Variants in FUT8 observed in about 807,000 individuals in gnomAD.
FUT8 encodes fucosyltransferase 8.
FUT8 carries 29 observed loss-of-function variants against 71.3 expected under a neutral mutation model. That is an observed-to-expected ratio of 0.41 (90% CI 0.30 to 0.55). The LOEUF (loss-of-function observed/expected upper bound fraction) is 0.55, where lower values mean the gene tolerates loss of function less well. Among genes scored for constraint, FUT8 ranks in the 20% least tolerant of loss-of-function variants. FUT8 has a pLI of 0.34. For synonymous variants in FUT8, 254 were observed against 239.3 expected (o/e 1.06, Z -0.57); for missense variants, 544 against 702.1 (o/e 0.77, Z 2.55).
At chr14:65,700,600 C>T (rs553430362) in intron 7 of FUT8, among the ~76,000 whole-genome samples, 6 of 151,946 alleles carry the variant, frequency 3.9e-5, no homozygotes, top group South Asian at 4.2e-4. Context: ...GGGGTTTCAC[C>T]GTGTTATCCA....
chr14:65,572,607 G>A (rs1201325576), intron 3 of FUT8, among the ~76,000 whole-genome samples: 2 of 151,864 alleles, frequency 1.3e-5, no homozygotes, highest in Non-Finnish European at 2.9e-5. Context: ...TATGGGTCCA[G>A]TAGACTAGAC....
Position 65,529,924 on chromosome 14 carries a change from A to G in FUT8, c.-227-31413A>G, listed in dbSNP as rs148947202. Among the ~76,000 whole-genome samples, 1,499 of 152,236 alleles carry G rather than the reference A, an allele frequency of 9.8e-3. 25 individuals carry two copies. Among genetic ancestry groups the G allele is most frequent in the African/African-American group, 0.035 (1,439 of 41,536 alleles). ...CATTGAGGACTCTGTCTTGCCTGTG[A>G]GAACTTAAATGATTCCTGGCCCTTT... is the stretch of plus-strand genomic sequence containing the variant. On this transcript the variant is annotated intron_variant, in intron 2 of 10. Coordinates refer to ENST00000673929, the MANE Select transcript of FUT8 (RefSeq NM_001371533.1).
chr14:65,454,776 ACTC>A (rs1180279494), intron 1 of FUT8, among the ~76,000 whole-genome samples: 1 of 152,116 alleles, frequency 6.6e-6, no homozygotes, highest in Admixed American at 6.5e-5. Context: ...CATACTACAC[ACTC>A]AGTGAACATT....
intron 1 of FUT8, among the ~76,000 whole-genome samples, chr14:65,449,462 G>A (rs1167094189): frequency 2.0e-5 from 3 of 152,146 alleles, no homozygotes; most frequent in African/African-American, 4.8e-5. Flanking sequence ...TGCGGCTTCC[G>A]TTGATATACT....
intron 7 of FUT8, among the ~76,000 whole-genome samples, chr14:65,717,486 G>A (rs1895173262): frequency 1.4e-5 from 2 of 142,386 alleles, no homozygotes; most frequent in Non-Finnish European, 3.1e-5. Flanking sequence ...CCTAGACGGG[G>A]CGGCCGGGCA....
At position 65,669,791 on chromosome 14, in the gene FUT8, C is replaced by T. The variant is rs1014324609; in HGVS notation, c.835+311C>T. 6.6e-6 allele frequency among the ~76,000 whole-genome samples: 1 copy of T among 151,860 alleles called. No homozygotes were observed. Among genetic ancestry groups the T allele is most frequent in the African/African-American group, 2.4e-5 (1 of 41,312 alleles). ...TATAAGATGATTTCACATTATTGAACTCATTTTAATATGAAGTAATCATCA... is the reference window on the plus strand; with the variant it reads ...TATAAGATGATTTCACATTATTGAATTCATTTTAATATGAAGTAATCATCA... On this transcript the variant is annotated intron_variant, in intron 7 of 10. Transcript: ENST00000673929. The surrounding 1 kb of genome is among the most constrained non-coding windows in gnomAD (Gnocchi z 4.5).
chr14:65,482,202 A>G (rs1594682646), intron 2 of FUT8, among the ~76,000 whole-genome samples: 1 of 152,176 alleles, frequency 6.6e-6, no homozygotes, highest in South Asian at 2.1e-4. Context: ...GGGTAGAGAC[A>G]TGCAGTTATT....
intron 3 of FUT8, among the ~76,000 whole-genome samples, chr14:65,586,180 A>T (rs1394530403): frequency 6.6e-6 from 1 of 152,226 alleles, no homozygotes; most frequent in East Asian, 1.9e-4. Flanking sequence ...ATCTAGGTTA[A>T]ATGATAAAAC....
At chr14:65,482,805 T>C (rs754978394) in intron 2 of FUT8, among the ~76,000 whole-genome samples, 3 of 152,110 alleles carry the variant, frequency 2.0e-5, no homozygotes, top group Non-Finnish European at 4.4e-5. Flanking sequence ...GCTGACAATG[T>C]TAAGTTTTGC....
chr14:65,712,172 G>C (rs920910644), intron 7 of FUT8, among the ~76,000 whole-genome samples: 4 of 151,942 alleles, frequency 2.6e-5, no homozygotes, highest in African/African-American at 9.7e-5. Context: ...AAATATTTCT[G>C]GTATCTTTGG....
Position 65,742,477 on chromosome 14 carries a change from A to G in FUT8, c.*67A>G. The stretch of plus-strand genomic sequence containing the variant: ...AAACTCAGTTCAAACCATTTCAGCC[A>G]AACTGTAGATGAAGAGGGCTCTGAT... On this transcript the variant is annotated 3_prime_UTR_variant, in exon 11 of 11. Coordinates refer to ENST00000673929, the MANE Select transcript of FUT8 (RefSeq NM_001371533.1). 2 of 1,343,570 alleles carry G rather than the reference A, an allele frequency of 1.5e-6. No homozygotes were observed. Among genetic ancestry groups the G allele is most frequent in the Non-Finnish European group, 2.1e-6 (2 of 971,408 alleles). The allele number at this position is 1,343,570 out of a possible 1,614,324, so 83.2% of individuals were successfully genotyped here.
In FUT8 at chr14:65,580,070, T is replaced by TTATATATATATATATATA. The variant is rs59069113; in HGVS notation, c.203+18307_203+18324dup. Among the ~76,000 whole-genome samples, 217 of 142,824 alleles carry TTATATATATATATATATA rather than the reference T, an allele frequency of 1.5e-3. 2 individuals carry two copies. Among genetic ancestry groups the TTATATATATATATATATA allele is most frequent in the African/African-American group, 5.0e-3 (189 of 38,050 alleles). The allele number at this position is 142,824 out of a possible 152,430, so 93.7% of individuals were successfully genotyped here. On this transcript the variant is annotated intron_variant, in intron 3 of 10. Transcript: ENST00000673929. Reference sequence around the variant, plus strand: ...TTCAAAATACTGATAGTGCTATATTTTATATATATATATATATATAGTCAT... The same window carrying TTATATATATATATATATA: ...TTCAAAATACTGATAGTGCTATATTTTATATATATATATATATATATATATATATATATATATAGTCAT...
chr14:65,393,687 G>C, the FUT8 span, among the ~76,000 whole-genome samples: 2 of 152,192 alleles, frequency 1.3e-5, no homozygotes, highest in Non-Finnish European at 2.9e-5. Flanking sequence ...ATTATAAAGG[G>C]GAAATATCAG....
At chr14:65,557,156 A>G (rs780056317) in intron 2 of FUT8, among the ~76,000 whole-genome samples, 4 of 152,198 alleles carry the variant, frequency 2.6e-5, no homozygotes, top group Non-Finnish European at 5.9e-5. Context: ...GAGCTTCCAG[A>G]TTCAGAAAAA....
chr14:65,498,203 G>A (rs2066590221), intron 2 of FUT8, among the ~76,000 whole-genome samples: 1 of 152,102 alleles, frequency 6.6e-6, no homozygotes, highest in African/African-American at 2.4e-5. Flanking sequence ...AGGAAATCAA[G>A]TTGTATCCCC....
At chr14:65,691,693 A>G (rs373478301) in intron 7 of FUT8, among the ~76,000 whole-genome samples, 1 of 151,988 alleles carries the variant, frequency 6.6e-6, no homozygotes, top group Non-Finnish European at 1.5e-5. Context: ...AGGGAAGGTC[A>G]ACAGATAAAC....
rs141421193 is a variant in FUT8 at position 65,737,425 on chromosome 14, T to G, written c.1410+4044T>G. 8.0e-3 allele frequency among the ~76,000 whole-genome samples: 1,211 copies of G among 152,268 alleles called. 10 individuals carry two copies. The highest frequency in any genetic ancestry group is 0.012 in the Non-Finnish European group (794 of 67,994). On this transcript the variant is annotated intron_variant, in intron 10 of 10. Transcript: ENST00000673929. ...TATGCAACTACATTCTAAAACGTTC[T>G]ACCAAATACATTAATCCTATTCTGT...
At chr14:65,659,547 A>C (rs1891861686) in intron 6 of FUT8, among the ~76,000 whole-genome samples, 1 of 152,132 alleles carries the variant, frequency 6.6e-6, no homozygotes, top group Non-Finnish European at 1.5e-5. Context: ...TCCTTTTGCA[A>C]GTACTTCATC....
chr14:65,611,255 A>ACCC (rs1888945237), intron 3 of FUT8, among the ~76,000 whole-genome samples: 3 of 69,248 alleles, frequency 4.3e-5, no homozygotes, highest in African/African-American at 2.7e-4. Context: ...ACACACACAC[A>ACCC]CACACACACA....
Sources: allele counts gnomAD v4.1 joint callset (sites outside exome capture counted in the v4.1 genomes callset), GRCh38; gene constraint gnomAD v4.1.1; non-coding constraint Gnocchi (gnomAD v3.1); transcripts MANE v1.5; gene names NCBI Gene and HGNC (gene_info 2026-07-23, HGNC 2026-07-21).